The following EPS8 variants were observed in gnomAD, a reference collection of about 807,000 sequenced individuals.
EPS8 encodes the protein EGFR pathway substrate 8, signaling adaptor, also known as epidermal growth factor receptor kinase substrate 8.
Under a neutral mutation model 103.8 loss-of-function variants are expected in EPS8, and 42 were observed. That is an observed-to-expected ratio of 0.40 (90% CI 0.32 to 0.52). The LOEUF (loss-of-function observed/expected upper bound fraction) is 0.52. EPS8 is among the 20% of genes least tolerant of loss of function. The pLI is 0.40. For missense variants in EPS8, 969 were observed against 1,005.1 expected, an observed-to-expected ratio of 0.96 and a Z score of 0.49; for synonymous variants, 344 against 344.6, an observed-to-expected ratio of 1.00 and a Z score of 0.02.
At position 15,684,196 on chromosome 12, in the gene EPS8, C is replaced by T. The variant is rs1946056932; in HGVS notation, c.-21-1224G>A. ...TGATTGGAAGAGCACAGAAAGCCTA[C>T]ATAAAGAAATAATATTCAAGATCTG... On this transcript the variant is annotated intron_variant, in intron 1 of 20. Coordinates refer to ENST00000281172, the MANE Select transcript of EPS8 (RefSeq NM_004447.6). The surrounding 1 kb of genome is among the most constrained non-coding windows in gnomAD (Gnocchi z 4.9). 6.6e-6 allele frequency: 1 copy of T among 152,248 alleles called. No homozygotes were observed. The highest frequency in any genetic ancestry group is 2.4e-5 in the African/African-American group (1 of 41,540). The allele number at this position is 152,248 out of a possible 1,614,324, so 9.4% of individuals were successfully genotyped here. A position where few individuals can be genotyped will look rare whatever the true frequency, so the allele number is the denominator to read the frequency against.
intron 1 of EPS8, among the ~76,000 whole-genome samples, chr12:15,707,905 T>C (rs1357617335): frequency 1.3e-5 from 2 of 152,218 alleles, no homozygotes; most frequent in Non-Finnish European, 2.9e-5. Context: ...TTCACCTCCC[T>C]ATCTCTAATT....
Position 15,747,896 on chromosome 12 carries a change from T to C in EPS8, c.-22+41265A>G, listed in dbSNP as rs904900937. Among the ~76,000 whole-genome samples, 2 of 152,080 alleles carry C rather than the reference T, an allele frequency of 1.3e-5. No homozygotes were observed. The highest frequency in any genetic ancestry group is 2.4e-5 in the African/African-American group (1 of 41,410). ...TTAGCCGGACGTGGTGGCAGGCACC[T>C]GTAGTCCCAGCTACTCGGGAGTCTG... On this transcript the variant is annotated intron_variant, in intron 1 of 20. Transcript: ENST00000281172. The surrounding 1 kb of genome is among the most constrained non-coding windows in gnomAD (Gnocchi z 4.4).
At chr12:15,636,117 G>T (rs1159942081) in intron 17 of EPS8, among the ~76,000 whole-genome samples, 1 of 152,108 alleles carries the variant, frequency 6.6e-6, no homozygotes, top group Non-Finnish European at 1.5e-5. Flanking sequence ...GCAGTCACAG[G>T]GCTAGAGGTC....
chr12:15,662,495 C>G, intron 8 of EPS8: 1 of 994,360 alleles, frequency 1.0e-6, no homozygotes, highest in Non-Finnish European at 1.2e-6. Flanking sequence ...TGCAACAGAG[C>G]TATAATTTTT....
rs117711497 is a variant in EPS8 at position 15,641,178 on chromosome 12, T to C, written c.1678-332A>G. 9.9e-3 allele frequency among the ~76,000 whole-genome samples: 1,512 copies of C among 152,286 alleles called. 9 individuals carry two copies. Among genetic ancestry groups the C allele is most frequent in the South Asian group, 0.022 (107 of 4,826 alleles). On this transcript the variant is annotated intron_variant, in intron 16 of 20. Transcript: ENST00000281172. ...AGCCCCATTGTCTCCATTTTGGTGATAGAAAGAAAAAGTATATAAAAATTA... is the reference window on the plus strand; with the variant it reads ...AGCCCCATTGTCTCCATTTTGGTGACAGAAAGAAAAAGTATATAAAAATTA...
Position 15,688,300 on chromosome 12 carries a change from A to C in EPS8, c.-21-5328T>G, listed in dbSNP as rs570655518. On this transcript the variant is annotated intron_variant, in intron 1 of 20. Transcript: ENST00000281172. This position sits in a 1 kb window ranked among gnomAD's most constrained non-coding sequence, Gnocchi z 5.1. ...TCAAGGCGGTTAAGTCATTTGCCTA[A>C]GTGGTAATGATACGGAAGGGAAGGG... Among the ~76,000 whole-genome samples, 81 of 152,314 alleles carry C rather than the reference A, an allele frequency of 5.3e-4. No individual in the cohort carries two copies. In the South Asian group the frequency reaches 7.0e-3, roughly 13 times the overall value.
chr12:15,676,038 G>A (rs927980937), intron 3 of EPS8, among the ~76,000 whole-genome samples: 13 of 151,960 alleles, frequency 8.6e-5, no homozygotes, highest in Middle Eastern at 3.4e-3. Flanking sequence ...TTTGGGAGAC[G>A]GAGGCGGGCA....
At chr12:15,631,965 T>C (rs943521432) in intron 17 of EPS8, among the ~76,000 whole-genome samples, 3 of 152,138 alleles carry the variant, frequency 2.0e-5, no homozygotes, top group African/African-American at 7.2e-5. Flanking sequence ...TCACACAAGA[T>C]GAGGGGAGGC....
At chr12:15,663,012 AAAAAG>A (rs1245503656) in intron 8 of EPS8, among the ~76,000 whole-genome samples, 2 of 152,070 alleles carry the variant, frequency 1.3e-5, no homozygotes, top group African/African-American at 2.4e-5. Context: ...AAAAAAAAAA[AAAAAG>A]AAAGAAGAAA....
intron 1 of EPS8, among the ~76,000 whole-genome samples, chr12:15,774,014 A>G (rs1383959553): frequency 6.6e-6 from 1 of 152,114 alleles, no homozygotes; most frequent in African/African-American, 2.4e-5. Flanking sequence ...TAGTCGAGCA[A>G]ATGTCACCAG....
At chr12:15,660,555 C>A (rs759825842) in intron 10 of EPS8, 59 bp downstream of exon 10, 5 of 870,716 alleles carry the variant, frequency 5.7e-6, no homozygotes, top group Admixed American at 1.7e-5. Context: ...TGAGCCACTG[C>A]GCCCAGCCAG....
intron 8 of EPS8, among the ~76,000 whole-genome samples, chr12:15,663,944 A>AAAAAAAAAAAAAAAAAAAAT (rs1555112203): frequency 1.2e-5 from 1 of 85,976 alleles, no homozygotes; most frequent in African/African-American, 4.5e-5. Context: ...AAAAAAAAAA[A>AAAAAAAAAAAAAAAAAAAAT]AATAATATAT....
rs1946678020 is a variant in EPS8 at position 15,728,397 on chromosome 12, A to T, written c.-21-45425T>A. ...TAACAATCCAAGATGAAGCTTAAAG[A>T]AACTACAGCAGTGGCCCTTTTAAGA... On this transcript the variant is annotated intron_variant, in intron 1 of 20. Coordinates refer to ENST00000281172, the MANE Select transcript of EPS8 (RefSeq NM_004447.6). This position sits in a 1 kb window ranked among gnomAD's most constrained non-coding sequence, Gnocchi z 4.5. The T allele has an allele frequency of 6.6e-6, 1 of 152,208 alleles. No individual in the cohort carries two copies. Among genetic ancestry groups the T allele is most frequent in the African/African-American group, 2.4e-5 (1 of 41,448 alleles). The allele number at this position is 152,208 out of a possible 1,614,324, so 9.4% of individuals were successfully genotyped here. A position where few individuals can be genotyped will look rare whatever the true frequency, so the allele number is the denominator to read the frequency against.
chr12:15,651,940 GTTAA>G (rs775842881), intron 13 of EPS8, among the ~76,000 whole-genome samples: 31 of 152,054 alleles, frequency 2.0e-4, no homozygotes, highest in Admixed American at 1.1e-3. Flanking sequence ...TTTTTTGAAT[GTTAA>G]TTAATTTTCT....
chr12:15,654,072 A>T, intron 13 of EPS8, 73 bp downstream of exon 13: 1 of 1,423,502 alleles, frequency 7.0e-7, no homozygotes, highest in Non-Finnish European at 9.8e-7. Flanking sequence ...TAGAAGGTTA[A>T]ATAAATGTCT....
intron 1 of EPS8, among the ~76,000 whole-genome samples, chr12:15,739,191 A>G (rs1422657041): frequency 6.6e-6 from 1 of 152,224 alleles, no homozygotes; most frequent in African/African-American, 2.4e-5. Context: ...CTGAGGCCTT[A>G]AAGAGGTTAC....
In EPS8 at chr12:15,725,954, A is replaced by T. The variant is rs932829442; in HGVS notation, c.-21-42982T>A. 6.6e-6 allele frequency among the ~76,000 whole-genome samples: 1 copy of T among 152,204 alleles called. No homozygotes were observed. Among genetic ancestry groups the T allele is most frequent in the Non-Finnish European group, 1.5e-5 (1 of 68,036 alleles). On this transcript the variant is annotated intron_variant, in intron 1 of 20. Coordinates refer to ENST00000281172, the MANE Select transcript of EPS8 (RefSeq NM_004447.6). The surrounding 1 kb of genome is among the most constrained non-coding windows in gnomAD (Gnocchi z 4.5). ...CATATTAAAAGTGTACACATAGCAC[A>T]TGCATACACTGAACAGCATAAACAC...
intron 1 of EPS8, among the ~76,000 whole-genome samples, chr12:15,711,911 G>A (rs1250615791): frequency 6.6e-6 from 1 of 152,124 alleles, no homozygotes; most frequent in Non-Finnish European, 1.5e-5. Flanking sequence ...GACCAAAACA[G>A]TAACTTAATC....
Position 15,623,292 on chromosome 12 carries a change from A to G in EPS8, c.2226-5T>C. On this transcript the variant is annotated splice_polypyrimidine_tract_variant and splice_region_variant and intron_variant, in intron 19 of 20. Transcript: ENST00000281172. ...ACTCCAAGACTATTGACAGTCCTAA[A>G]AAAAAAAAAAGGAAAAAGAAACTGA... 2 of 1,539,726 alleles carry G rather than the reference A, an allele frequency of 1.3e-6. No individual in the cohort carries two copies. Among genetic ancestry groups the G allele is most frequent in the East Asian group, 4.6e-5 (2 of 43,600 alleles).
Sources: allele counts gnomAD v4.1 joint callset (sites outside exome capture counted in the v4.1 genomes callset), GRCh38; gene constraint gnomAD v4.1.1; non-coding constraint Gnocchi (gnomAD v3.1); transcripts MANE v1.5; gene names NCBI Gene and HGNC (gene_info 2026-07-23, HGNC 2026-07-21).